The following COP1 variants were observed in gnomAD, a reference collection of about 807,000 sequenced individuals.
COP1 encodes COP1 E3 ubiquitin ligase.
Under a neutral mutation model 101.3 loss-of-function variants are expected in COP1, and 24 were observed. The observed-to-expected ratio is 0.24, with a 90% confidence interval of 0.17 to 0.33. COP1 has a LOEUF of 0.33. Among genes scored for constraint, COP1 ranks in the 10% least tolerant of loss-of-function variants. COP1 has a pLI of 1.00. For missense variants in COP1, 663 were observed against 906.2 expected, an observed-to-expected ratio of 0.73 and a Z score of 3.45; for synonymous variants, 347 against 341.9, an observed-to-expected ratio of 1.01 and a Z score of -0.17.
intron 6 of COP1, among the ~76,000 whole-genome samples, chr1:176,146,241 C>T (rs1332974922): frequency 6.6e-6 from 1 of 152,118 alleles, no homozygotes; most frequent in Non-Finnish European, 1.5e-5. Flanking sequence ...ACCCAACACC[C>T]TTTTGTTTAA....
Position 176,085,843 on chromosome 1 carries a change from T to A in COP1, c.1074A>T (p.Lys358Asn). 1 of 1,608,536 alleles carries A rather than the reference T, an allele frequency of 6.2e-7. No individual in the cohort carries two copies. Among genetic ancestry groups the A allele is most frequent in the East Asian group, 2.2e-5 (1 of 44,760 alleles). ...AGTCTTCAAAATGAGCAGTAAGTCG[T>A]TTTCGTCTTGATGCTAACGTGCTAT... ...WYNSTLASRR[K>N]RLTAHFEDLE... The change falls in exon 10 of 20, where the codon AAA becomes AAT. Residue 358 changes from lysine to asparagine, a missense_variant. Physicochemically the swap from Lys to Asn is moderately conservative, Grantham distance 94. Coordinates refer to ENST00000367669, the MANE Select transcript of COP1 (RefSeq NM_022457.7).
At chr1:176,040,097 T>C (rs1670254218) in intron 14 of COP1, among the ~76,000 whole-genome samples, 1 of 152,176 alleles carries the variant, frequency 6.6e-6, no homozygotes, top group Admixed American at 6.5e-5. Context: ...ACTCACCAAC[T>C]GGACTTCTTC....
intron 5 of COP1, among the ~76,000 whole-genome samples, chr1:176,150,737 C>T (rs1005221687): frequency 1.3e-5 from 2 of 152,104 alleles, no homozygotes; most frequent in Non-Finnish European, 2.9e-5. Flanking sequence ...AATCTATTAA[C>T]TAGAATATGT....
intron 1 of COP1, among the ~76,000 whole-genome samples, chr1:176,198,714 G>A (rs773071107): frequency 9.2e-5 from 14 of 151,924 alleles, no homozygotes; most frequent in Non-Finnish European, 1.5e-4. Context: ...ACAATACACA[G>A]GTCTGACAAA....
At chr1:176,020,679 C>G (rs768457598) in intron 15 of COP1, among the ~76,000 whole-genome samples, 2 of 152,004 alleles carry the variant, frequency 1.3e-5, no homozygotes, top group Non-Finnish European at 2.9e-5. Flanking sequence ...TCTGTCCCAA[C>G]AACAACAACA....
At position 176,162,912 on chromosome 1, in the gene COP1, A is replaced by T; in HGVS notation, c.719T>A (p.Leu240His). ...CTTCTGCACTAGTAACTCCAACATA[A>T]GATTGACATTGGCCAAATCAAGGTT... The part of the protein sequence containing the change: ...QDNLDLANVN[L>H]MLELLVQKKK... Residue 240 changes from leucine to histidine, a missense_variant, in exon 5 of 20, where the codon CTT becomes CAT. Leu to His is a moderately conservative substitution (Grantham distance 99). This residue lies in a region of COP1 where 212 missense variants were observed against 240.7 expected (regional missense o/e 0.88). Coordinates refer to ENST00000367669, the MANE Select transcript of COP1 (RefSeq NM_022457.7). 1 of 1,609,478 alleles carries T rather than the reference A, an allele frequency of 6.2e-7. No individual in the cohort carries two copies. Among genetic ancestry groups the T allele is most frequent in the Non-Finnish European group, 8.5e-7 (1 of 1,177,918 alleles).
chr1:176,161,523 A>AG (rs1694320309), intron 5 of COP1, among the ~76,000 whole-genome samples: 2 of 152,122 alleles, frequency 1.3e-5, no homozygotes, highest in Non-Finnish European at 2.9e-5. Context: ...ACTTGAGCCC[A>AG]GGGGGTAGAG....
intron 18 of COP1, among the ~76,000 whole-genome samples, chr1:175,981,082 T>C (rs971184968): frequency 2.0e-5 from 3 of 152,134 alleles, no homozygotes; most frequent in African/African-American, 4.8e-5. Context: ...GATAAATCAA[T>C]GTTAATAAAA....
At chr1:176,027,438 C>A in intron 15 of COP1, 134 bp downstream of exon 15, 1 of 662,750 alleles carries the variant, frequency 1.5e-6, no homozygotes, top group Non-Finnish European at 2.7e-6. Flanking sequence ...ATACTGTATA[C>A]TTCTAATTTA....
chr1:176,204,472 A>G (rs1398298008), intron 1 of COP1, among the ~76,000 whole-genome samples: 2 of 152,164 alleles, frequency 1.3e-5, no homozygotes, highest in African/African-American at 4.8e-5. Flanking sequence ...GAAAAAAAGG[A>G]TTCCTTGGGC....
intron 11 of COP1, among the ~76,000 whole-genome samples, chr1:176,063,265 T>C (rs1675309256): frequency 6.6e-6 from 1 of 151,634 alleles, no homozygotes; most frequent in African/African-American, 2.4e-5. Context: ...TTTCACCTTG[T>C]TAGCCAGGAT....
chr1:176,088,168 G>A (rs1387202143), intron 9 of COP1, among the ~76,000 whole-genome samples: 5 of 151,894 alleles, frequency 3.3e-5, no homozygotes, highest in South Asian at 2.1e-4. Flanking sequence ...ACGAGTTAAC[G>A]GGTCCAGCAA....
At chr1:175,961,509 T>C (rs1651342755) in intron 18 of COP1, among the ~76,000 whole-genome samples, 1 of 151,996 alleles carries the variant, frequency 6.6e-6, no homozygotes. Flanking sequence ...CTTAAGACCA[T>C]AGGCCAACAG....
chr1:176,163,797 A>G lies in COP1; in HGVS notation c.642+18T>C, dbSNP rs371827387. ...AAAATGAAATTTATTAAAAATAGTA[A>G]TAAGAGTTGAAACATACGGTGCTAC... On this transcript the variant is annotated intron_variant, in intron 4 of 19. Coordinates refer to ENST00000367669, the MANE Select transcript of COP1 (RefSeq NM_022457.7). The G allele has an allele frequency of 3.5e-6, 5 of 1,422,314 alleles. No individual in the cohort carries two copies. Among genetic ancestry groups the G allele is most frequent in the African/African-American group, 1.4e-5 (1 of 69,864 alleles). 88.1% of individuals were successfully genotyped at this position (1,422,314 alleles called of 1,614,324 possible).
chr1:176,146,404 G>A (rs940589519), intron 6 of COP1, among the ~76,000 whole-genome samples: 8 of 152,160 alleles, frequency 5.3e-5, no homozygotes, highest in South Asian at 4.1e-4. Context: ...CCAATGATGT[G>A]CTTCTAACAA....
chr1:176,058,184 G>GGTT (rs756720627), intron 11 of COP1, among the ~76,000 whole-genome samples: 11 of 45,204 alleles, frequency 2.4e-4, no homozygotes, highest in African/African-American at 3.0e-4. Flanking sequence ...CCGGTAGGGA[G>GGTT]GGGGGGGGTC....
intron 15 of COP1, among the ~76,000 whole-genome samples, chr1:176,010,146 C>T (rs1235785392): frequency 6.6e-6 from 1 of 152,104 alleles, no homozygotes; most frequent in African/African-American, 2.4e-5. Context: ...TACCCACACC[C>T]CAAACACACA....
At position 176,206,962 on chromosome 1, in the gene COP1, T is replaced by G. The variant is rs1051300288; in HGVS notation, c.17A>C (p.Gln6Pro). 3 of 1,426,194 alleles carry G rather than the reference T, an allele frequency of 2.1e-6. No individual in the cohort carries two copies. The highest frequency in any genetic ancestry group is 2.7e-6 in the Non-Finnish European group (3 of 1,094,376). The allele number at this position is 1,426,194 out of a possible 1,614,324, so 88.3% of individuals were successfully genotyped here. ...TGTCCCAGCGGAGCCCGACCCGGCC[T>G]GGCGGCTACCAGACATCGTGACTCC... Reference protein sequence around the residue: MSGSRQAGSGSAGTSP... With the variant: MSGSRPAGSGSAGTSP... Residue 6 changes from glutamine (Q) to proline (P), a missense_variant, in exon 1 of 20, where the codon CAG becomes CCG. Transcript: ENST00000367669.
chr1:176,012,723 T>C (rs1664902420), intron 15 of COP1, among the ~76,000 whole-genome samples: 1 of 152,170 alleles, frequency 6.6e-6, no homozygotes, highest in Non-Finnish European at 1.5e-5. Flanking sequence ...TACATTTAGA[T>C]ACACGAATAC....
Sources: gnomAD v4.1 joint callset for allele counts (sites outside exome capture counted in the v4.1 genomes callset) on GRCh38, gnomAD v4.1.1 for gene constraint, gnomAD v4.1.1 regional missense constraint, MANE v1.5 for transcripts, NCBI Gene and HGNC (gene_info 2026-07-23, HGNC 2026-07-21) for gene names.